The following KHDRBS3 variants were observed in gnomAD, a reference collection of about 807,000 sequenced individuals.
KHDRBS3 encodes KH domain-containing, RNA-binding, signal transduction-associated protein 3.
Under a neutral mutation model 45.6 loss-of-function variants are expected in KHDRBS3, and 23 were observed. That is an observed-to-expected ratio of 0.50 (90% CI 0.36 to 0.72). KHDRBS3 has a LOEUF of 0.72. KHDRBS3 is among the 30% of genes least tolerant of loss of function. The probability of loss-of-function intolerance (pLI) is 0.00; values close to 1 mark genes in which losing one functional copy is unlikely to be tolerated. For synonymous variants in KHDRBS3, 162 were observed against 156.5 expected (o/e 1.04, Z -0.26); for missense variants, 352 against 424.8 (o/e 0.83, Z 1.51).
intron 5 of KHDRBS3, among the ~76,000 whole-genome samples, chr8:135,580,070 C>G (rs575628101): frequency 1.3e-5 from 2 of 152,210 alleles, no homozygotes; most frequent in Non-Finnish European, 2.9e-5. Flanking sequence ...TCCTCCCCAT[C>G]TCTGGCCAGT....
intron 1 of KHDRBS3, among the ~76,000 whole-genome samples, chr8:135,463,997 C>T (rs1391725271): frequency 6.6e-6 from 1 of 152,154 alleles, no homozygotes; most frequent in East Asian, 1.9e-4. Context: ...TTATTCCCTG[C>T]GTGCCTCCTT....
At chr8:135,545,027 G>A (rs915930790) in intron 3 of KHDRBS3, among the ~76,000 whole-genome samples, 2 of 151,856 alleles carry the variant, frequency 1.3e-5, no homozygotes, top group African/African-American at 2.4e-5. Context: ...TCCTCTGCTC[G>A]GTGTAAAGTC....
At chr8:135,527,405 C>T (rs1825246563) in intron 2 of KHDRBS3, among the ~76,000 whole-genome samples, 1 of 152,158 alleles carries the variant, frequency 6.6e-6, no homozygotes, top group South Asian at 2.1e-4. Flanking sequence ...GACAGAGGAG[C>T]ACTATATTGA....
At chr8:135,515,428 G>A (rs1824540574) in intron 1 of KHDRBS3, among the ~76,000 whole-genome samples, 1 of 145,118 alleles carries the variant, frequency 6.9e-6, no homozygotes, top group African/African-American at 2.5e-5. Context: ...CTAAAGATGA[G>A]GGGTTGGAGT....
At chr8:135,569,731 A>G (rs1827609494) in intron 5 of KHDRBS3, among the ~76,000 whole-genome samples, 1 of 152,158 alleles carries the variant, frequency 6.6e-6, no homozygotes, top group Non-Finnish European at 1.5e-5. Flanking sequence ...TGCCCACAAC[A>G]GGGCCTGCGG....
intron 2 of KHDRBS3, among the ~76,000 whole-genome samples, chr8:135,527,710 A>G (rs531305355): frequency 6.6e-6 from 1 of 152,364 alleles, no homozygotes; most frequent in African/African-American, 2.4e-5. Flanking sequence ...TAAATACGTT[A>G]TATCTCTATG....
intron 3 of KHDRBS3, among the ~76,000 whole-genome samples, chr8:135,543,920 A>G (rs1057417668): frequency 6.6e-6 from 1 of 152,212 alleles, no homozygotes; most frequent in African/African-American, 2.4e-5. Context: ...GTAGAAACTC[A>G]AAATGAATTT....
At chr8:135,469,123 A>G (rs761952509) in intron 1 of KHDRBS3, among the ~76,000 whole-genome samples, 7 of 152,244 alleles carry the variant, frequency 4.6e-5, no homozygotes, top group Non-Finnish European at 7.3e-5. Context: ...CAATTGGGTG[A>G]AAAATTTCAA....
At chr8:135,649,979 T>C (rs1245341564), downstream of KHDRBS3, among the ~76,000 whole-genome samples, 2 of 152,202 alleles carry the variant, frequency 1.3e-5, no homozygotes, top group African/African-American at 4.8e-5. Flanking sequence ...CTGATTTTTT[T>C]CTATTTCCAT....
At chr8:135,543,290 C>T (rs1322574366) in intron 3 of KHDRBS3, among the ~76,000 whole-genome samples, 1 of 152,086 alleles carries the variant, frequency 6.6e-6, no homozygotes, top group Non-Finnish European at 1.5e-5. Context: ...GATGTATTCA[C>T]ATTAATAGTC....
chr8:135,530,000 C>T (rs980350097), intron 2 of KHDRBS3, among the ~76,000 whole-genome samples: 6 of 150,228 alleles, frequency 4.0e-5, no homozygotes, highest in Non-Finnish European at 8.9e-5. Flanking sequence ...TGCAGTGAGC[C>T]GAGATCGTGC....
In KHDRBS3 at chr8:135,507,808, T is replaced by C. The variant is rs530338039; in HGVS notation, c.89-13429T>C. Among the ~76,000 whole-genome samples, 4 of 152,364 alleles carry C rather than the reference T, an allele frequency of 2.6e-5. No homozygotes were observed. In the East Asian group the frequency reaches 7.7e-4, roughly 29 times the overall value. Reference sequence around the variant, plus strand: ...TGTAGCTCTATGCTGAGATATTTCATTTCCACAGAGGCTGTGACTATTAAA... The same window carrying C: ...TGTAGCTCTATGCTGAGATATTTCACTTCCACAGAGGCTGTGACTATTAAA... On this transcript the variant is annotated intron_variant, in intron 1 of 8. Transcript: ENST00000355849.
intron 6 of KHDRBS3, among the ~76,000 whole-genome samples, chr8:135,592,969 T>G (rs2130969933): frequency 6.6e-6 from 1 of 151,894 alleles, no homozygotes; most frequent in South Asian, 2.1e-4. Flanking sequence ...GAGGCCGGAG[T>G]TGGAGGTTTG....
intron 5 of KHDRBS3, among the ~76,000 whole-genome samples, chr8:135,576,511 C>G (rs1827952114): frequency 6.6e-6 from 1 of 152,046 alleles, no homozygotes; most frequent in Admixed American, 6.5e-5. Context: ...CAGCTTTGGC[C>G]ATTGGGAGTT....
chr8:135,477,630 C>G (rs1822357156), intron 1 of KHDRBS3, among the ~76,000 whole-genome samples: 1 of 152,166 alleles, frequency 6.6e-6, no homozygotes, highest in Non-Finnish European at 1.5e-5. Flanking sequence ...GGCCCCTAAA[C>G]ATGTCCTTAT....
At chr8:135,617,051 G>A (rs1331691310) in intron 7 of KHDRBS3, among the ~76,000 whole-genome samples, 2 of 151,880 alleles carry the variant, frequency 1.3e-5, no homozygotes, top group East Asian at 3.9e-4. Flanking sequence ...TTAGCTCTAC[G>A]ACGTTGACTA....
At chr8:135,535,840 C>T (rs1356223686) in intron 2 of KHDRBS3, among the ~76,000 whole-genome samples, 1 of 152,116 alleles carries the variant, frequency 6.6e-6, no homozygotes, top group Non-Finnish European at 1.5e-5. Flanking sequence ...GTGGCGAGGG[C>T]ATGGTCCCTG....
intron 4 of KHDRBS3, among the ~76,000 whole-genome samples, chr8:135,555,686 T>C (rs1826843738): frequency 6.6e-6 from 1 of 152,216 alleles, no homozygotes. Flanking sequence ...TGACTGTAAC[T>C]TATATCTGAG....
intron 2 of KHDRBS3, among the ~76,000 whole-genome samples, chr8:135,530,492 A>G (rs377327044): frequency 6.6e-6 from 1 of 152,252 alleles, no homozygotes; most frequent in African/African-American, 2.4e-5. Context: ...AGGCAGACTG[A>G]TAATCATGGT....
Sources: allele counts gnomAD v4.1 joint callset (sites outside exome capture counted in the v4.1 genomes callset), GRCh38; gene constraint gnomAD v4.1.1; transcripts MANE v1.5; gene names NCBI Gene and HGNC (gene_info 2026-07-23, HGNC 2026-07-21).